SETX: variants seen among roughly 807,000 people sequenced by gnomAD.
SETX encodes the protein senataxin, also known as helicase senataxin.
A neutral mutation model predicts 227.2 loss-of-function variants in SETX; 90 were observed. The observed-to-expected ratio is 0.40, with a 90% CI of 0.33 to 0.47. The LOEUF (loss-of-function observed/expected upper bound fraction) is 0.47, where lower values mean the gene tolerates loss of function less well. SETX is among the 20% of genes least tolerant of loss of function. The probability of loss-of-function intolerance (pLI) is 0.91; values close to 1 mark genes in which losing one functional copy is unlikely to be tolerated. For synonymous variants in SETX, 1,210 were observed against 1,113.2 expected (o/e 1.09, Z -1.73); for missense variants, 3,052 against 3,181.5 (o/e 0.96, Z 0.98).
At position 132,264,297 on chromosome 9, in the gene SETX, C is replaced by A; in HGVS notation, c.7976G>T (p.Trp2659Leu). ...ETHHTRRNSR[W>L]DKRTLEQEDS... ...CTCCTGCTCCAGTGTCCTCTTGTCC[C>A]ACCTAGAGTTCCTCCTGGTGTGATG... The change falls in exon 26 of 26, where the codon TGG becomes TTG. Residue 2659 changes from tryptophan to leucine, a missense_variant. Transcript: ENST00000224140. The A allele has an allele frequency of 6.2e-7, 1 of 1,614,224 alleles. No homozygotes were observed. The highest frequency in any genetic ancestry group is 8.5e-7 in the Non-Finnish European group (1 of 1,180,048).
chr9:132,296,168 T>C, intron 14 of SETX, 140 bp from the exon 15 acceptor site: 1 of 1,052,056 alleles, frequency 9.5e-7, no homozygotes, highest in Non-Finnish European at 1.4e-6. Flanking sequence ...TAAAAGCATC[T>C]ACATCTAACA....
intron 5 of SETX, among the ~76,000 whole-genome samples, chr9:132,340,937 G>A (rs986124985): frequency 6.6e-6 from 1 of 152,158 alleles, no homozygotes; most frequent in African/African-American, 2.4e-5. Context: ...GCTCTGAGAG[G>A]TAATTCCATA....
chr9:132,299,979 A>T (rs1401418625), intron 12 of SETX, among the ~76,000 whole-genome samples: 1 of 151,956 alleles, frequency 6.6e-6, no homozygotes, highest in Admixed American at 6.6e-5. Flanking sequence ...AAACACAAAA[A>T]ATTAGCCGGG....
At chr9:132,294,297 A>G (rs974864689) in intron 15 of SETX, among the ~76,000 whole-genome samples, 1 of 152,248 alleles carries the variant, frequency 6.6e-6, no homozygotes, top group Non-Finnish European at 1.5e-5. Flanking sequence ...CTAGATATAC[A>G]TATGCTAGAT....
At position 132,326,634 on chromosome 9, in the gene SETX, G is replaced by T; in HGVS notation, c.4964C>A (p.Ser1655Ter). The T allele has an allele frequency of 6.2e-7, 1 of 1,612,978 alleles. No homozygotes were observed. The highest frequency in any genetic ancestry group is 8.5e-7 in the Non-Finnish European group (1 of 1,179,266). Residue 1655 changes from serine (S) to a stop codon, truncating the protein, a stop_gained, in exon 10 of 26, where the codon TCG becomes TAG. Transcript: ENST00000224140. LOFTEE classifies it high-confidence loss of function. ...AGACTGAGGATGAAGAACATTGCAC[G>T]AATTCTTCATTTCACCAACTGGCTT... is the stretch of plus-strand genomic sequence containing the variant. ...AQKPVGEMKN[S>*]CNVLHPQSPN...
intron 10 of SETX, among the ~76,000 whole-genome samples, chr9:132,316,917 A>G (rs559545998): frequency 6.6e-6 from 1 of 152,340 alleles, no homozygotes; most frequent in African/African-American, 2.4e-5. Context: ...TTATTATAAT[A>G]GATTTTGCTT....
intron 11 of SETX, among the ~76,000 whole-genome samples, chr9:132,308,426 CA>C (rs1476106518): frequency 3.0e-5 from 4 of 135,322 alleles, no homozygotes; most frequent in Non-Finnish European, 6.2e-5. Flanking sequence ...AATTTTTCAA[CA>C]AAAAAATTGC....
At chr9:132,335,247 C>T (rs897390193) in intron 6 of SETX, among the ~76,000 whole-genome samples, 63 of 151,648 alleles carry the variant, frequency 4.2e-4, no homozygotes, top group African/African-American at 9.4e-4. Flanking sequence ...AAAAATTAGC[C>T]AGGCGTGGTG....
Position 132,328,772 on chromosome 9 carries a change from C to G in SETX, c.2826G>C (p.Gln942His), listed in dbSNP as rs1847022445. Residue 942 changes from glutamine to histidine, a missense_variant, in exon 10 of 26, where the codon CAG becomes CAC. Coordinates refer to ENST00000224140, the MANE Select transcript of SETX (RefSeq NM_015046.7). Reference sequence around the variant, plus strand: ...CAGATTTAGGACTGATGTCAGGGGCCTGTTCTCTTGTCAAGTTAGAATAAA... The same window carrying G: ...CAGATTTAGGACTGATGTCAGGGGCGTGTTCTCTTGTCAAGTTAGAATAAA... ...SVIYSNLTRE[Q>H]APDISPKSDT... is the part of the protein sequence containing the mutation. 1 of 1,610,792 alleles carries G rather than the reference C, an allele frequency of 6.2e-7. No individual in the cohort carries two copies. Among genetic ancestry groups the G allele is most frequent in the South Asian group, 1.1e-5 (1 of 90,306 alleles).
intron 3 of SETX, 36 bp downstream of exon 3, chr9:132,349,216 A>G (rs1375806660): frequency 6.3e-7 from 1 of 1,596,806 alleles, no homozygotes; most frequent in Non-Finnish European, 8.6e-7. Flanking sequence ...CCAGCTATCA[A>G]GCTCTGAAAA....
upstream of SETX, among the ~76,000 whole-genome samples, chr9:132,356,666 C>G (rs1848928049): frequency 6.6e-6 from 1 of 152,146 alleles, no homozygotes; most frequent in African/African-American, 2.4e-5. Flanking sequence ...CAGATACAGC[C>G]TTACCGAGGA....
chr9:132,277,818 GCT>G (rs749713343), intron 21 of SETX, among the ~76,000 whole-genome samples: 1 of 52,268 alleles, frequency 1.9e-5, no homozygotes, highest in Non-Finnish European at 2.9e-5. Flanking sequence ...AAAAAGGACT[GCT>G]GAAAGTGGAT....
At chr9:132,334,548 A>G (rs1847468423) in intron 7 of SETX, 60 bp downstream of exon 7, 1 of 1,592,396 alleles carries the variant, frequency 6.3e-7, no homozygotes, top group East Asian at 2.2e-5. Flanking sequence ...TGACACTATC[A>G]TTTTTAAAGT....
At chr9:132,292,415 C>CAAAAAA (rs60253119) in intron 15 of SETX, among the ~76,000 whole-genome samples, 8 of 61,070 alleles carry the variant, frequency 1.3e-4, no homozygotes, top group Non-Finnish European at 2.5e-4. Flanking sequence ...AGCTGGGGTA[C>CAAAAAA]AAAAAAAAAA....
intron 20 of SETX, among the ~76,000 whole-genome samples, chr9:132,279,728 T>C (rs1254762358): frequency 6.6e-6 from 1 of 152,214 alleles, no homozygotes; most frequent in African/African-American, 2.4e-5. Context: ...TTTTTAATCT[T>C]TTCTTTGGGG....
chr9:132,328,018 C>A lies in SETX; in HGVS notation c.3580G>T (p.Val1194Leu). The change falls in exon 10 of 26, where the codon GTG becomes TTG. Residue 1194 changes from valine (V) to leucine (L), a missense_variant. Coordinates refer to ENST00000224140, the MANE Select transcript of SETX (RefSeq NM_015046.7). Reference protein sequence around the residue: ...GQSDTNKRDLVGNDFKSIDRR... With the variant: ...GQSDTNKRDLLGNDFKSIDRR... The stretch of plus-strand genomic sequence containing the variant: ...TCAATACTTTTAAAATCATTTCCCA[C>A]AAGATCTCTCTTATTAGTATCAGAC... 6.2e-7 allele frequency: 1 copy of A among 1,614,034 alleles called. No homozygotes were observed. The highest frequency in any genetic ancestry group is 8.5e-7 in the Non-Finnish European group (1 of 1,179,988).
At chr9:132,326,286 A>G (rs1846747825) in intron 10 of SETX, 38 bp downstream of exon 10, 1 of 1,465,240 alleles carries the variant, frequency 6.8e-7, no homozygotes, top group South Asian at 1.2e-5. Context: ...GGTAACTTGA[A>G]AAGTTTGGAG....
intron 5 of SETX, among the ~76,000 whole-genome samples, chr9:132,338,160 C>T (rs1338692125): frequency 1.4e-5 from 2 of 147,494 alleles, no homozygotes; most frequent in South Asian, 2.1e-4. Context: ...GGCACCATCT[C>T]GGCTCACTGC....
intron 9 of SETX, 37 bp from the exon 10 acceptor site, chr9:132,330,536 G>A (rs780210222): frequency 2.5e-6 from 4 of 1,576,840 alleles, no homozygotes; most frequent in Middle Eastern, 1.7e-4. Flanking sequence ...AGATAAATAA[G>A]CACCACTTAT....
Sources: gnomAD v4.1 joint callset for allele counts (sites outside exome capture counted in the v4.1 genomes callset) on GRCh38, gnomAD v4.1.1 for gene constraint, MANE v1.5 for transcripts, NCBI Gene and HGNC (gene_info 2026-07-23, HGNC 2026-07-21) for gene names.